Variants in INPP5D observed in about 807,000 individuals in gnomAD.
The protein encoded by INPP5D is phosphatidylinositol 3,4,5-trisphosphate 5-phosphatase 1.
In INPP5D, 33 loss-of-function variants were observed where a neutral mutation model predicts 122.9. The ratio of observed to expected loss-of-function variants is 0.27; its 90% confidence interval spans 0.20 to 0.36. The LOEUF (loss-of-function observed/expected upper bound fraction) is 0.36. INPP5D is among the 10% of genes least tolerant of loss of function. The pLI, the probability that INPP5D is intolerant of heterozygous loss-of-function variation, is 1.00. For missense variants in INPP5D, 1,053 were observed against 1,412.7 expected, an observed-to-expected ratio of 0.75 and a Z score of 4.08; for synonymous variants, 584 against 576.2, an observed-to-expected ratio of 1.01 and a Z score of -0.19.
At chr2:233,166,126 G>C (rs922210881) in intron 13 of INPP5D, among the ~76,000 whole-genome samples, 1 of 152,168 alleles carries the variant, frequency 6.6e-6, no homozygotes, top group Non-Finnish European at 1.5e-5. Context: ...TGGGGCTGGC[G>C]TGGCTATCCT....
At chr2:233,103,132 A>T (rs1438726288) in intron 2 of INPP5D, among the ~76,000 whole-genome samples, 1 of 152,204 alleles carries the variant, frequency 6.6e-6, no homozygotes, top group East Asian at 1.9e-4. Context: ...CGTGCACAGC[A>T]AGCTCTTGCT....
intron 5 of INPP5D, among the ~76,000 whole-genome samples, chr2:233,134,438 A>G (rs1249126549): frequency 2.6e-5 from 4 of 152,178 alleles, no homozygotes; most frequent in Admixed American, 2.0e-4. Flanking sequence ...AATGGCATCA[A>G]TGATGTCCAG....
chr2:233,109,496 C>G (rs1390215131), intron 2 of INPP5D, among the ~76,000 whole-genome samples: 1 of 152,164 alleles, frequency 6.6e-6, no homozygotes, highest in Non-Finnish European at 1.5e-5. Context: ...TGTACAGAAA[C>G]CTTCAGAAGT....
chr2:233,206,341 T>A lies in INPP5D; in HGVS notation c.3568-365T>A, dbSNP rs1175138903. ...TTTCATATATATATACTATACATAT[T>A]ACATATGTGTATATATTTTATATAT... On this transcript the variant is annotated intron_variant, in intron 26 of 26. Coordinates refer to ENST00000445964, the MANE Select transcript of INPP5D (RefSeq NM_001017915.3). This position sits in a 1 kb window ranked among gnomAD's most constrained non-coding sequence, Gnocchi z 4.0. Among the ~76,000 whole-genome samples, 1 of 151,428 alleles carries A rather than the reference T, an allele frequency of 6.6e-6. No individual in the cohort carries two copies.
chr2:233,130,617 C>G lies in INPP5D; in HGVS notation c.634C>G (p.Leu212Val). 1 of 1,613,992 alleles carries G rather than the reference C, an allele frequency of 6.2e-7. No individual in the cohort carries two copies. Among genetic ancestry groups the G allele is most frequent in the Non-Finnish European group, 8.5e-7 (1 of 1,179,890 alleles). ...GSSSLPHLKK[L>V]TTLLCKELYG... ...CAGCAGTCTTCCTCACCTGAAGAAA[C>G]TGACCACACTGCTCTGCAAGGAGCT... Residue 212 changes from leucine to valine, a missense_variant, in exon 5 of 27, where the codon CTG becomes GTG. By Grantham distance (32) the Leu-to-Val change is conservative. Around this residue, in one of 6 missense-constraint regions of INPP5D, gnomAD observed 196 missense variants for 175.6 expected, o/e 1.12. Transcript: ENST00000445964.
At chr2:233,091,238 C>T (rs1290418277) in intron 2 of INPP5D, among the ~76,000 whole-genome samples, 1 of 152,220 alleles carries the variant, frequency 6.6e-6, no homozygotes, top group Non-Finnish European at 1.5e-5. Flanking sequence ...TGCCCTGTCC[C>T]ATAGCCGCTC....
chr2:233,185,711 A>T, intron 20 of INPP5D, 132 bp from the exon 21 acceptor site: 1 of 1,071,740 alleles, frequency 9.3e-7, no homozygotes, highest in Non-Finnish European at 1.2e-6. Flanking sequence ...TGAGGCCCCG[A>T]GATAAAAAAA....
intron 4 of INPP5D, among the ~76,000 whole-genome samples, chr2:233,126,566 C>T (rs1693166811): frequency 6.6e-6 from 1 of 152,164 alleles, no homozygotes; most frequent in Non-Finnish European, 1.5e-5. Context: ...GCCGAATATC[C>T]AGTGTTGCTA....
intron 2 of INPP5D, among the ~76,000 whole-genome samples, chr2:233,098,220 G>T (rs1574723305): frequency 6.6e-6 from 1 of 152,250 alleles, no homozygotes; most frequent in African/African-American, 2.4e-5. Context: ...GATTTCCAAG[G>T]ATGTTTCTGC....
intron 22 of INPP5D, among the ~76,000 whole-genome samples, chr2:233,191,885 T>A (rs1695067259): frequency 6.6e-6 from 1 of 152,168 alleles, no homozygotes. Context: ...CAGACACAAA[T>A]GAAAGCCCCA....
chr2:233,168,955 T>C, intron 13 of INPP5D: 1 of 268,584 alleles, frequency 3.7e-6, no homozygotes, highest in Non-Finnish European at 7.3e-6. Context: ...TTGAGTTCAC[T>C]GGGAGGGAGA....
chr2:233,198,645 A>T (rs954747720), intron 25 of INPP5D, among the ~76,000 whole-genome samples: 1 of 152,238 alleles, frequency 6.6e-6, no homozygotes, highest in Non-Finnish European at 1.5e-5. Flanking sequence ...TAAAAACTAT[A>T]TACATATCAA....
chr2:233,131,637 T>C (rs1353983552), intron 5 of INPP5D, among the ~76,000 whole-genome samples: 3 of 151,688 alleles, frequency 2.0e-5, no homozygotes, highest in African/African-American at 7.3e-5. Context: ...GAGGCTGAGG[T>C]TGTGGTGAGC....
intron 22 of INPP5D, among the ~76,000 whole-genome samples, chr2:233,191,192 A>T (rs1474782653): frequency 6.6e-6 from 1 of 152,224 alleles, no homozygotes; most frequent in Non-Finnish European, 1.5e-5. Flanking sequence ...AAGCAAACAC[A>T]TCCTTTTCAC....
intron 1 of INPP5D, among the ~76,000 whole-genome samples, chr2:233,062,451 C>A (rs193195830): frequency 2.6e-4 from 39 of 152,362 alleles, no homozygotes; most frequent in African/African-American, 6.5e-4. Context: ...GAGCCTGAGG[C>A]CTTTGTCCAC....
At position 233,189,727 on chromosome 2, in the gene INPP5D, C is replaced by CA. The variant is rs779936674; in HGVS notation, c.2359-122dup. The CA allele has an allele frequency of 9.9e-5, 140 of 1,407,420 alleles. No homozygotes were observed. Among genetic ancestry groups the CA allele is most frequent in the Non-Finnish European group, 1.2e-4 (128 of 1,049,676 alleles). 87.2% of individuals were successfully genotyped at this position (1,407,420 alleles called of 1,614,324 possible). A position where few individuals can be genotyped will look rare whatever the true frequency, so the allele number is the denominator to read the frequency against. On this transcript the variant is annotated intron_variant, in intron 21 of 26. Coordinates refer to ENST00000445964, the MANE Select transcript of INPP5D (RefSeq NM_001017915.3). The surrounding 1 kb of genome is among the most constrained non-coding windows in gnomAD (Gnocchi z 5.6). ...CCCCACCTGCTCTCTTGGGTATGGA[C>CA]AGCAGAGATTTAGATCTGATTACTA...
At chr2:233,122,452 A>G (rs1456872921) in intron 3 of INPP5D, among the ~76,000 whole-genome samples, 195 bp downstream of exon 3, 2 of 152,214 alleles carry the variant, frequency 1.3e-5, no homozygotes, top group Non-Finnish European at 2.9e-5. Context: ...CTTATTAGCC[A>G]GGTGACCTTG....
intron 2 of INPP5D, among the ~76,000 whole-genome samples, chr2:233,111,352 A>G (rs891848126): frequency 6.1e-5 from 9 of 147,744 alleles, no homozygotes; most frequent in African/African-American, 2.1e-4. Context: ...TAACTTTTAT[A>G]CACACACACA....
chr2:233,167,350 G>A (rs940556485), intron 13 of INPP5D, among the ~76,000 whole-genome samples: 1 of 152,020 alleles, frequency 6.6e-6, no homozygotes, highest in East Asian at 1.9e-4. Context: ...CAGCCTGGGC[G>A]ACACAGACTT....
Sources: gnomAD v4.1 joint callset for allele counts (sites outside exome capture counted in the v4.1 genomes callset) on GRCh38, gnomAD v4.1.1 for gene constraint, gnomAD v4.1.1 regional missense constraint, Gnocchi (gnomAD v3.1) non-coding constraint, MANE v1.5 for transcripts, NCBI Gene and HGNC (gene_info 2026-07-23, HGNC 2026-07-21) for gene names.